NUP93: variants seen among roughly 807,000 people sequenced by gnomAD.
The protein encoded by NUP93 is nucleoporin 93.
A neutral mutation model predicts 107.8 loss-of-function variants in NUP93; 55 were observed. The ratio of observed to expected loss-of-function variants is 0.51; its 90% CI spans 0.41 to 0.64. The LOEUF is 0.64. NUP93 is among the 30% of genes least tolerant of loss of function. NUP93 has a pLI of 0.00. For synonymous variants in NUP93, 390 were observed against 397.5 expected, an observed-to-expected ratio of 0.98 and a Z score of 0.22; for missense variants, 937 against 1,044.7, an observed-to-expected ratio of 0.90 and a Z score of 1.42.
At chr16:56,790,055 C>T (rs2144537325) in intron 3 of NUP93, among the ~76,000 whole-genome samples, 1 of 152,196 alleles carries the variant, frequency 6.6e-6, no homozygotes, top group East Asian at 1.9e-4. Context: ...CCAGATGGTG[C>T]CACTGCACTC....
Position 56,839,213 on chromosome 16 carries a change from A to G in NUP93, c.2136+144A>G, listed in dbSNP as rs543234180. ...AAAGACAAGTACAATCCTGGGACTT[A>G]AAAGGAGTTTCCTGTGTGGCTTTTT... On this transcript the variant is annotated intron_variant, in intron 19 of 21. Coordinates refer to ENST00000308159, the MANE Select transcript of NUP93 (RefSeq NM_014669.5). The G allele has an allele frequency of 6.9e-4, 299 of 431,732 alleles. 2 individuals are homozygous for G. Among genetic ancestry groups the G allele is most frequent in the Middle Eastern group, 2.0e-3 (3 of 1,476 alleles). The allele number at this position is 431,732 out of a possible 1,614,324, so 26.7% of individuals were successfully genotyped here. A position where few individuals can be genotyped will look rare whatever the true frequency, so the allele number is the denominator to read the frequency against.
intron 3 of NUP93, among the ~76,000 whole-genome samples, chr16:56,795,758 T>G (rs1013334873): frequency 3.9e-5 from 6 of 152,226 alleles, no homozygotes; most frequent in Admixed American, 3.9e-4. Flanking sequence ...GCAATTCTCC[T>G]GCCTTAGCCT....
chr16:56,820,939 T>G (rs1963529512), intron 6 of NUP93, among the ~76,000 whole-genome samples: 1 of 152,194 alleles, frequency 6.6e-6, no homozygotes, highest in Non-Finnish European at 1.5e-5. Flanking sequence ...AAATAAAATC[T>G]AAAGTAAGAG....
intron 21 of NUP93, among the ~76,000 whole-genome samples, chr16:56,842,932 C>CT (rs754785280): frequency 6.6e-6 from 1 of 152,194 alleles, no homozygotes; most frequent in Non-Finnish European, 1.5e-5. Flanking sequence ...ATCTCAGTGT[C>CT]TAACATCAGA....
chr16:56,737,168 A>T (rs927676525), intron 1 of NUP93, among the ~76,000 whole-genome samples: 1 of 152,206 alleles, frequency 6.6e-6, no homozygotes, highest in Non-Finnish European at 1.5e-5. Context: ...TTAAACAGAA[A>T]TTTATTTCCT....
intron 5 of NUP93, among the ~76,000 whole-genome samples, chr16:56,808,993 A>G (rs1384075345): frequency 3.9e-5 from 6 of 152,040 alleles, no homozygotes; most frequent in Non-Finnish European, 7.4e-5. Context: ...TTATACAAGT[A>G]TATGAGACTG....
rs1192222864 is a variant in NUP93 at position 56,837,707 on chromosome 16, G to A, written c.1999G>A (p.Ala667Thr). 3 of 1,613,662 alleles carry A rather than the reference G, an allele frequency of 1.9e-6. No homozygotes were observed. The highest frequency in any genetic ancestry group is 2.5e-6 in the Non-Finnish European group (3 of 1,179,768). Residue 667 changes from alanine (A) to threonine (T), a missense_variant, in exon 18 of 22, where the codon GCA (alanine) becomes ACA (threonine). Transcript: ENST00000308159. ...CAACAAGGAGAGGCTGAAGAACATG[G>A]CACTCTCCATTGCCGAACGGTAAGC... is the stretch of plus-strand genomic sequence containing the variant. ...QSNKERLKNM[A>T]LSIAERYRAQ...
At chr16:56,737,799 A>C (rs1166863765) in intron 1 of NUP93, among the ~76,000 whole-genome samples, 5 of 152,240 alleles carry the variant, frequency 3.3e-5, no homozygotes, top group Non-Finnish European at 5.9e-5. Context: ...AATGGTTTTA[A>C]AATTATAATG....
chr16:56,749,517 A>G (rs1961881388), intron 2 of NUP93, among the ~76,000 whole-genome samples: 1 of 152,174 alleles, frequency 6.6e-6, no homozygotes, highest in Non-Finnish European at 1.5e-5. Flanking sequence ...AAAGACACTG[A>G]GATTCTGTGC....
rs561054758 is a variant in NUP93, at chr16:56,789,927, C to T, written c.298-8549C>T. Among the ~76,000 whole-genome samples the T allele has an allele frequency of 6.6e-5, 10 of 152,240 alleles. No individual in the cohort carries two copies. In the East Asian group the frequency reaches 1.7e-3, roughly 27 times the overall value. The stretch of plus-strand genomic sequence containing the variant: ...CAGCCTGGCCAACATGATGAAAACC[C>T]GTCTCTACTAAAGCAGAAAATTAGC... On this transcript the variant is annotated intron_variant, in intron 3 of 21. Coordinates refer to ENST00000308159, the MANE Select transcript of NUP93 (RefSeq NM_014669.5).
intron 3 of NUP93, among the ~76,000 whole-genome samples, chr16:56,759,190 C>T (rs1336358420): frequency 6.6e-6 from 1 of 152,258 alleles, no homozygotes; most frequent in Admixed American, 6.5e-5. Context: ...ATGCCACAAG[C>T]AATTGATAGC....
In NUP93 at chr16:56,823,831, C is replaced by A. The variant is rs953423356; in HGVS notation, c.779C>A (p.Ala260Glu). Residue 260 changes from alanine to glutamate, a missense_variant, in exon 8 of 22, where the codon GCG becomes GAG. Ala to Glu is a moderately radical substitution (Grantham distance 107). Coordinates refer to ENST00000308159, the MANE Select transcript of NUP93 (RefSeq NM_014669.5). Reference sequence around the variant, plus strand: ...ATGGAGTTTGTCAGGCAGGCCTTGGCGTACCTTGAGCAGAGGTAAGGCAGC... The same window carrying A: ...ATGGAGTTTGTCAGGCAGGCCTTGGAGTACCTTGAGCAGAGGTAAGGCAGC... Reference protein sequence around the residue: ...VRMEFVRQALAYLEQSYKNYT... With the variant: ...VRMEFVRQALEYLEQSYKNYT... 6.2e-7 allele frequency: 1 copy of A among 1,613,764 alleles called. No homozygotes were observed.
At chr16:56,739,551 C>T (rs1438639025) in intron 1 of NUP93, among the ~76,000 whole-genome samples, 6 of 88,786 alleles carry the variant, frequency 6.8e-5, no homozygotes, top group Admixed American at 1.1e-4. Flanking sequence ...CCCTCCCGGA[C>T]GGGGCGGCTG....
chr16:56,831,115 G>C (rs1963776223), intron 10 of NUP93, among the ~76,000 whole-genome samples: 1 of 152,210 alleles, frequency 6.6e-6, no homozygotes, highest in Admixed American at 6.5e-5. Context: ...TTAGAAGTTA[G>C]TAAAATTGAA....
chr16:56,763,482 TTGTG>T (rs531810469), intron 3 of NUP93, among the ~76,000 whole-genome samples: 42 of 150,454 alleles, frequency 2.8e-4, no homozygotes, highest in South Asian at 2.5e-3. Flanking sequence ...AAGGAACTGC[TTGTG>T]TGTGTGTGTG....
chr16:56,735,661 A>G (rs1961599428), intron 1 of NUP93, among the ~76,000 whole-genome samples: 2 of 152,054 alleles, frequency 1.3e-5, no homozygotes, highest in Non-Finnish European at 2.9e-5. Context: ...CGTGGCAAAC[A>G]TGGTGAAACC....
chr16:56,785,857 G>A (rs888375791), intron 3 of NUP93, among the ~76,000 whole-genome samples: 34 of 152,182 alleles, frequency 2.2e-4, no homozygotes, highest in African/African-American at 7.5e-4. Context: ...CTAAGAAATT[G>A]ATGGCAAGTA....
intron 5 of NUP93, among the ~76,000 whole-genome samples, chr16:56,812,840 TACGAATCCTC>T (rs1345648525): frequency 6.6e-6 from 1 of 152,206 alleles, no homozygotes; most frequent in Non-Finnish European, 1.5e-5. Context: ...GACCCCTGGC[TACGAATCCTC>T]ACGTCGCAGT....
At chr16:56,795,168 G>A (rs914408471) in intron 3 of NUP93, among the ~76,000 whole-genome samples, 1 of 151,826 alleles carries the variant, frequency 6.6e-6, no homozygotes, top group Non-Finnish European at 1.5e-5. Context: ...GCAGCATAGC[G>A]GCAGCCACAA....
Sources: gnomAD v4.1 joint callset for allele counts (sites outside exome capture counted in the v4.1 genomes callset) on GRCh38, gnomAD v4.1.1 for gene constraint, MANE v1.5 for transcripts, NCBI Gene and HGNC (gene_info 2026-07-23, HGNC 2026-07-21) for gene names.